The following GALNTL6 variants were observed in gnomAD, a reference collection of about 807,000 sequenced individuals.
The protein encoded by GALNTL6 is polypeptide N-acetylgalactosaminyltransferase like 6.
A neutral mutation model predicts 73.7 loss-of-function variants in GALNTL6; 46 were observed. The ratio of observed to expected loss-of-function variants is 0.62; its 90% confidence interval spans 0.49 to 0.80. The LOEUF (loss-of-function observed/expected upper bound fraction) is 0.80, where lower values mean the gene tolerates loss of function less well. Among genes scored for constraint, GALNTL6 ranks in the 30% least tolerant of loss-of-function variants. The pLI, the probability that GALNTL6 is intolerant of heterozygous loss-of-function variation, is 0.00. For missense variants in GALNTL6, 604 were observed against 755.0 expected, an observed-to-expected ratio of 0.80 and a Z score of 2.34; for synonymous variants, 259 against 263.7, an observed-to-expected ratio of 0.98 and a Z score of 0.17.
chr4:172,214,632 A>G (rs984483122), intron 2 of GALNTL6, among the ~76,000 whole-genome samples: 5 of 150,344 alleles, frequency 3.3e-5, no homozygotes, highest in African/African-American at 1.2e-4. Context: ...CTCCTGCTTC[A>G]GCCTCCTAAG....
intron 10 of GALNTL6, among the ~76,000 whole-genome samples, chr4:172,994,416 T>C (rs1751684899): frequency 6.6e-6 from 1 of 152,172 alleles, no homozygotes; most frequent in South Asian, 2.1e-4. Flanking sequence ...TTTGAAGATG[T>C]ATTTTTACCA....
intron 5 of GALNTL6, among the ~76,000 whole-genome samples, chr4:172,806,425 C>T (rs1409321500): frequency 6.6e-6 from 1 of 152,176 alleles, no homozygotes; most frequent in East Asian, 1.9e-4. Flanking sequence ...AGAGACAGCC[C>T]TCACTGAGTT....
intron 5 of GALNTL6, among the ~76,000 whole-genome samples, chr4:172,723,379 G>C (rs896939518): frequency 6.6e-6 from 1 of 152,054 alleles, no homozygotes; most frequent in African/African-American, 2.4e-5. Flanking sequence ...TACTAGCCTT[G>C]TGGCCTTCCC....
chr4:172,744,676 A>G (rs1383844946), intron 5 of GALNTL6, among the ~76,000 whole-genome samples: 1 of 152,042 alleles, frequency 6.6e-6, no homozygotes, highest in Non-Finnish European at 1.5e-5. Context: ...CTTTGTGCCT[A>G]TTGTGGTGAC....
intron 5 of GALNTL6, among the ~76,000 whole-genome samples, chr4:172,487,372 T>TTCCTTCTTTCC (rs1322328733): frequency 3.0e-5 from 4 of 131,576 alleles, no homozygotes; most frequent in Non-Finnish European, 4.8e-5. Context: ...CTTTCCTTCT[T>TTCCTTCTTTCC]TTCTTTTCTT....
chr4:171,940,623 A>G (rs1034767992), intron 2 of GALNTL6, among the ~76,000 whole-genome samples: 2 of 151,912 alleles, frequency 1.3e-5, no homozygotes, highest in African/African-American at 2.4e-5. Flanking sequence ...GGAGTTTGAG[A>G]CCAGCCTGAC....
chr4:172,151,938 ATATCTATC>A (rs10528560), intron 2 of GALNTL6, among the ~76,000 whole-genome samples: 19,687 of 146,428 alleles, frequency 0.13, 1,354 homozygotes, highest in Middle Eastern at 0.16. Context: ...ATATAAATTT[ATATCTATC>A]TATCTATCTA....
rs77335248 is a variant in GALNTL6 at position 171,858,865 on chromosome 4, T to A, written c.138+44147T>A. Among the ~76,000 whole-genome samples the A allele has an allele frequency of 8.0e-3, 1,215 of 152,242 alleles. 22 individuals carry two copies. Among genetic ancestry groups the A allele is most frequent in the African/African-American group, 0.028 (1,156 of 41,566 alleles). ...TCCTTATATTTCTTTTATACAACTA[T>A]AAAATTAATAAGATATATGTTAGTA... On this transcript the variant is annotated intron_variant, in intron 2 of 12. Transcript: ENST00000506823.
chr4:172,087,843 A>G (rs1047453444), intron 2 of GALNTL6, among the ~76,000 whole-genome samples: 1 of 152,058 alleles, frequency 6.6e-6, no homozygotes, highest in African/African-American at 2.4e-5. Context: ...ATTCTGAACC[A>G]TGCAAATATA....
At chr4:172,011,890 A>G (rs934168789) in intron 2 of GALNTL6, among the ~76,000 whole-genome samples, 36 of 152,148 alleles carry the variant, frequency 2.4e-4, no homozygotes, top group African/African-American at 8.7e-4. Context: ...TAAAGAATAA[A>G]TGAATTTTTC....
chr4:172,902,854 A>G (rs1746697634), intron 8 of GALNTL6, among the ~76,000 whole-genome samples: 1 of 152,174 alleles, frequency 6.6e-6, no homozygotes, highest in African/African-American at 2.4e-5. Context: ...ATTGATTACA[A>G]CGTGCCAACC....
chr4:172,440,476 G>T (rs1380539654), intron 5 of GALNTL6, among the ~76,000 whole-genome samples: 1 of 152,076 alleles, frequency 6.6e-6, no homozygotes, highest in Non-Finnish European at 1.5e-5. Flanking sequence ...GCTGAGGGTT[G>T]GGGTATTGGG....
At chr4:171,988,586 G>A (rs375038633) in intron 2 of GALNTL6, among the ~76,000 whole-genome samples, 15 of 152,254 alleles carry the variant, frequency 9.9e-5, no homozygotes, top group East Asian at 3.9e-4. Context: ...TTGGCACCAC[G>A]GGGTGGATAG....
At chr4:171,853,727 T>G (rs1227126795) in intron 2 of GALNTL6, among the ~76,000 whole-genome samples, 1 of 146,484 alleles carries the variant, frequency 6.8e-6, no homozygotes, top group African/African-American at 2.5e-5. Context: ...TTCTCCTGCC[T>G]CAGCCTCCTG....
At chr4:172,518,683 C>A (rs1734685991) in intron 5 of GALNTL6, among the ~76,000 whole-genome samples, 1 of 151,890 alleles carries the variant, frequency 6.6e-6, no homozygotes, top group South Asian at 2.1e-4. Flanking sequence ...TAATCGATAA[C>A]ATTTCAAATT....
chr4:172,427,132 G>A (rs1295428186), intron 5 of GALNTL6, among the ~76,000 whole-genome samples: 1 of 152,040 alleles, frequency 6.6e-6, no homozygotes, highest in African/African-American at 2.4e-5. Flanking sequence ...AGAGAGAGAA[G>A]AAAAGGAAGA....
chr4:171,999,245 A>T (rs557670476), intron 2 of GALNTL6, among the ~76,000 whole-genome samples: 1 of 152,306 alleles, frequency 6.6e-6, no homozygotes, highest in African/African-American at 2.4e-5. Context: ...GGAGAGGTGG[A>T]CTAGATTTGA....
intron 5 of GALNTL6, among the ~76,000 whole-genome samples, chr4:172,434,672 T>C (rs1190367798): frequency 6.6e-6 from 1 of 152,074 alleles, no homozygotes; most frequent in Non-Finnish European, 1.5e-5. Context: ...AAAACACACA[T>C]TTACACACAC....
At chr4:171,961,155 C>T (rs547387617) in intron 2 of GALNTL6, among the ~76,000 whole-genome samples, 21 of 152,190 alleles carry the variant, frequency 1.4e-4, no homozygotes, top group African/African-American at 4.3e-4. Context: ...CCAATTGTGT[C>T]CCAAAGTCTG....
Sources: allele counts gnomAD v4.1 joint callset (sites outside exome capture counted in the v4.1 genomes callset), GRCh38; gene constraint gnomAD v4.1.1; transcripts MANE v1.5; gene names NCBI Gene and HGNC (gene_info 2026-07-23, HGNC 2026-07-21).